The following RBFOX1 variants were observed in gnomAD, a reference collection of about 807,000 sequenced individuals.
RBFOX1 encodes the protein RNA binding fox-1 homolog 1, also known as RNA binding protein fox-1 homolog 1.
RBFOX1 carries 8 observed loss-of-function variants against 57.7 expected under a neutral mutation model. The observed-to-expected ratio is 0.14, with a 90% CI of 0.08 to 0.25. RBFOX1 has a LOEUF of 0.25. Among genes scored for constraint, RBFOX1 ranks in the 10% least tolerant of loss-of-function variants. RBFOX1 has a pLI of 1.00. For missense variants in RBFOX1, 611 were observed against 548.5 expected (o/e 1.11, Z -1.14); for synonymous variants, 326 against 222.4 (o/e 1.47, Z -4.15).
At chr16:6,462,499 C>T (rs1255752212) in intron 2 of RBFOX1, among the ~76,000 whole-genome samples, 2 of 152,158 alleles carry the variant, frequency 1.3e-5, no homozygotes, top group Admixed American at 6.5e-5. Context: ...AGCCATCCTT[C>T]CACTGATGTT....
intron 2 of RBFOX1, among the ~76,000 whole-genome samples, chr16:5,561,061 A>C (rs893947402): frequency 1.3e-5 from 2 of 152,152 alleles, no homozygotes; most frequent in Non-Finnish European, 2.9e-5. Flanking sequence ...GGGTTTTATC[A>C]ATTCCCAAAT....
intron 4 of RBFOX1, among the ~76,000 whole-genome samples, chr16:7,204,814 A>T (rs1033140148): frequency 2.0e-5 from 3 of 151,656 alleles, no homozygotes; most frequent in Non-Finnish European, 2.9e-5. Context: ...CTGATTGGTA[A>T]CTCCTCATTT....
At chr16:6,567,274 C>G (rs915320068) in intron 2 of RBFOX1, among the ~76,000 whole-genome samples, 2 of 152,162 alleles carry the variant, frequency 1.3e-5, no homozygotes, top group African/African-American at 2.4e-5. Context: ...ATTTCATCCC[C>G]TTTATCCTGT....
At chr16:6,996,297 C>A (rs555604213) in intron 3 of RBFOX1, among the ~76,000 whole-genome samples, 2 of 152,246 alleles carry the variant, frequency 1.3e-5, no homozygotes, top group South Asian at 2.1e-4. Flanking sequence ...TAGAATAACA[C>A]TGAACTAGTA....
At chr16:7,650,042 C>G (rs921357069) in intron 11 of RBFOX1, among the ~76,000 whole-genome samples, 1 of 108,548 alleles carries the variant, frequency 9.2e-6, no homozygotes, top group Non-Finnish European at 2.0e-5. Flanking sequence ...GAGGGAAGGA[C>G]AGGAGGGAGG....
At chr16:6,402,723 A>T (rs890448961) in intron 2 of RBFOX1, among the ~76,000 whole-genome samples, 1 of 152,228 alleles carries the variant, frequency 6.6e-6, no homozygotes, top group South Asian at 2.1e-4. Flanking sequence ...TTTGAAGGAT[A>T]TGTTAAAATC....
intron 4 of RBFOX1, among the ~76,000 whole-genome samples, chr16:5,899,729 C>G (rs1466078078): frequency 6.6e-6 from 1 of 152,194 alleles, no homozygotes; most frequent in Non-Finnish European, 1.5e-5. Context: ...TCCAACCCGC[C>G]TGGTCCATCC....
intron 1 of RBFOX1, among the ~76,000 whole-genome samples, chr16:6,236,732 T>C (rs953978634): frequency 3.9e-5 from 6 of 152,192 alleles, no homozygotes; most frequent in African/African-American, 7.2e-5. Flanking sequence ...ATTACAGGTG[T>C]GAGCCACCAC....
At chr16:7,118,014 T>G (rs1463046811) in intron 4 of RBFOX1, among the ~76,000 whole-genome samples, 2 of 152,194 alleles carry the variant, frequency 1.3e-5, no homozygotes, top group Non-Finnish European at 2.9e-5. Context: ...TCTTTGCAAT[T>G]GTGAATTGTG....
At chr16:6,284,581 T>C (rs112014622) in intron 1 of RBFOX1, among the ~76,000 whole-genome samples, 1,699 of 152,286 alleles carry the variant, frequency 0.011, 13 homozygotes, top group Non-Finnish European at 0.019. Context: ...CAATATTTTA[T>C]AGCTTTAAAT....
At chr16:5,797,949 C>T (rs1362328653) in intron 3 of RBFOX1, among the ~76,000 whole-genome samples, 2 of 152,148 alleles carry the variant, frequency 1.3e-5, no homozygotes, top group Admixed American at 6.5e-5. Flanking sequence ...AAGAGATGCT[C>T]AGTAAATATG....
intron 1 of RBFOX1, among the ~76,000 whole-genome samples, chr16:5,444,592 C>T (rs866798926): frequency 2.6e-5 from 4 of 152,114 alleles, no homozygotes; most frequent in Admixed American, 6.5e-5. Flanking sequence ...CACATCCCAG[C>T]CCCAGAAATT....
At chr16:5,650,711 C>G (rs1596589314) in intron 3 of RBFOX1, among the ~76,000 whole-genome samples, 1 of 143,768 alleles carries the variant, frequency 7.0e-6, no homozygotes, top group African/African-American at 3.0e-5. Context: ...CTCTCTGTCT[C>G]TCTCTGTCTT....
chr16:7,158,380 C>G (rs1216830610), intron 4 of RBFOX1, among the ~76,000 whole-genome samples: 2 of 152,118 alleles, frequency 1.3e-5, no homozygotes, highest in African/African-American at 4.8e-5. Flanking sequence ...TTAGGGTTAT[C>G]ACAACCAGTG....
At chr16:7,174,210 G>A (rs989260241) in intron 4 of RBFOX1, among the ~76,000 whole-genome samples, 12 of 151,890 alleles carry the variant, frequency 7.9e-5, no homozygotes, top group African/African-American at 2.9e-4. Context: ...ACATGAGGAT[G>A]AACATGAGGT....
At chr16:6,312,871 C>T (rs957882099) in intron 1 of RBFOX1, among the ~76,000 whole-genome samples, 1 of 152,108 alleles carries the variant, frequency 6.6e-6, no homozygotes, top group African/African-American at 2.4e-5. Context: ...GCAAAACCCA[C>T]ACAGCTCCTG....
intron 4 of RBFOX1, among the ~76,000 whole-genome samples, chr16:7,210,847 G>C (rs992945546): frequency 2.6e-5 from 4 of 151,848 alleles, no homozygotes; most frequent in African/African-American, 9.7e-5. Context: ...ATGACTCTAA[G>C]AAATAATAAT....
At chr16:6,551,267 A>G (rs1287560256) in intron 2 of RBFOX1, among the ~76,000 whole-genome samples, 2 of 152,238 alleles carry the variant, frequency 1.3e-5, no homozygotes, top group Non-Finnish European at 2.9e-5. Context: ...GTAAATACAT[A>G]TGTGACTGCT....
chr16:7,207,794 A>G (rs927736539), intron 4 of RBFOX1, among the ~76,000 whole-genome samples: 8 of 152,158 alleles, frequency 5.3e-5, no homozygotes, highest in Non-Finnish European at 1.2e-4. Context: ...TTCTCCTAGA[A>G]TGTGCAGCAA....
Sources: allele counts gnomAD v4.1 joint callset (sites outside exome capture counted in the v4.1 genomes callset), GRCh38; gene constraint gnomAD v4.1.1; transcripts MANE v1.5; gene names NCBI Gene and HGNC (gene_info 2026-07-23, HGNC 2026-07-21).